Variants in PLEKHG7 observed in about 807,000 individuals in gnomAD.
PLEKHG7 encodes the protein pleckstrin homology and RhoGEF domain containing G7.
A neutral mutation model predicts 85.2 loss-of-function variants in PLEKHG7; 77 were observed. That is an observed-to-expected ratio of 0.90 (90% CI 0.75 to 1.09). The LOEUF is 1.09. Ranked by LOEUF, PLEKHG7 falls within the 50% of genes least tolerant of loss-of-function variation. The pLI, the probability that PLEKHG7 is intolerant of heterozygous loss-of-function variation, is 0.00. For missense variants in PLEKHG7, 777 were observed against 804.3 expected (o/e 0.97, Z 0.41); for synonymous variants, 301 against 302.4 (o/e 1.00, Z 0.05).
rs577860490 is a variant in PLEKHG7 at position 92,752,470 on chromosome 12, T to C, written c.1252-1620T>C. Among the ~76,000 whole-genome samples, 5 of 152,126 alleles carry C rather than the reference T, an allele frequency of 3.3e-5. No homozygotes were observed. In the East Asian group the frequency reaches 9.7e-4, roughly 30 times the overall value. ...GTTGGTAAATATCTAGGGGAGGAGTTTAGACCTCCACAGGCCATTGGATTG... is the reference window on the plus strand; with the variant it reads ...GTTGGTAAATATCTAGGGGAGGAGTCTAGACCTCCACAGGCCATTGGATTG... On this transcript the variant is annotated intron_variant, in intron 10 of 16. Coordinates refer to ENST00000344636, the MANE Select transcript of PLEKHG7 (RefSeq NM_001377329.1).
At position 92,745,545 on chromosome 12, in the gene PLEKHG7, A is replaced by G. The variant is rs750541518; in HGVS notation, c.1205A>G (p.Tyr402Cys). ...YCLNYSAAIF[Y>C]LESLRQRDDF... is the part of the protein sequence containing the mutation. ...CTGAACTATTCAGCTGCTATCTTTT[A>G]TCTTGAGAGCCTGAGGCAGAGAGAT... Residue 402 changes from tyrosine to cysteine, a missense_variant, in exon 10 of 17, where the codon TAT becomes TGT. This residue lies in a region of PLEKHG7 where 520 missense variants were observed against 544.0 expected (regional missense o/e 0.96). Coordinates refer to ENST00000344636, the MANE Select transcript of PLEKHG7 (RefSeq NM_001377329.1). 20 of 1,613,898 alleles carry G rather than the reference A, an allele frequency of 1.2e-5. No individual in the cohort carries two copies. The highest frequency in any genetic ancestry group is 2.7e-5 in the African/African-American group (2 of 74,920).
chr12:92,753,959 T>G, intron 10 of PLEKHG7, 131 bp from the exon 11 acceptor site: 1 of 831,740 alleles, frequency 1.2e-6, no homozygotes, highest in South Asian at 1.9e-5. Flanking sequence ...GCTTATAAAT[T>G]GTCCCAGCAA....
intron 3 of PLEKHG7, among the ~76,000 whole-genome samples, chr12:92,715,672 T>G (rs562725363): frequency 1.5e-5 from 2 of 137,658 alleles, no homozygotes; most frequent in Non-Finnish European, 3.0e-5. Context: ...TGAAGAGCTC[T>G]GCATGAGGCC....
chr12:92,755,721 A>T, intron 11 of PLEKHG7, 104 bp from the exon 12 acceptor site: 2 of 778,488 alleles, frequency 2.6e-6, no homozygotes, highest in Non-Finnish European at 4.5e-6. Flanking sequence ...GTCTGGCTCC[A>T]GGGGCAGCCA....
At chr12:92,766,774 G>A (rs1873212481) in intron 15 of PLEKHG7, among the ~76,000 whole-genome samples, 1 of 152,186 alleles carries the variant, frequency 6.6e-6, no homozygotes, top group Non-Finnish European at 1.5e-5. Flanking sequence ...AGGTTGCAGT[G>A]AGCCAAGGTC....
At chr12:92,753,599 G>A (rs1464398099) in intron 10 of PLEKHG7, among the ~76,000 whole-genome samples, 5 of 152,084 alleles carry the variant, frequency 3.3e-5, no homozygotes. Flanking sequence ...TAGATCAACT[G>A]AGCCTCTTCA....
intron 3 of PLEKHG7, among the ~76,000 whole-genome samples, chr12:92,726,756 AAAG>A (rs1266778227): frequency 8.5e-5 from 13 of 152,198 alleles, no homozygotes. Context: ...GGGCCAAGGG[AAAG>A]AAGAAGGTAG....
At chr12:92,754,501 G>C (rs139461688) in intron 11 of PLEKHG7, among the ~76,000 whole-genome samples, 2 of 152,288 alleles carry the variant, frequency 1.3e-5, no homozygotes, top group Non-Finnish European at 2.9e-5. Flanking sequence ...ATGTGGCTCT[G>C]TCTCCAAGTG....
Position 92,740,898 on chromosome 12 carries a change from C to T in PLEKHG7, c.985C>T (p.Leu329=). Residue 329 remains leucine, a synonymous_variant, in exon 8 of 17, where the codon CTA becomes TTA. Transcript: ENST00000344636. ...LRYLQTHEYL[L]DVDLWRLFAN... ...ATATCTGCAAACTCATGAATATCTC[C>T]TAGATGTGGATTTATGGAGACTTTT... is the stretch of plus-strand genomic sequence containing the variant. 3.7e-6 allele frequency: 6 copies of T among 1,612,040 alleles called. No homozygotes were observed. The highest frequency in any genetic ancestry group is 5.1e-6 in the Non-Finnish European group (6 of 1,178,776).
intron 3 of PLEKHG7, among the ~76,000 whole-genome samples, chr12:92,713,894 G>A (rs1485915001): frequency 2.0e-5 from 3 of 152,154 alleles, no homozygotes; most frequent in Admixed American, 6.5e-5. Context: ...ATTAAATGCA[G>A]AGTCCCTATT....
rs1159400312 is a variant in PLEKHG7 at position 92,706,953 on chromosome 12, T to C, written c.322T>C (p.Leu108=). ...LLSPLRLHSR[L]TSEPERALNA... is the part of the protein sequence containing the mutation. Reference sequence around the variant, plus strand: ...GTCACCCTTGAGACTCCACTCAAGATTGACCTCTGAACCTGAAAGGGCCCT... The same window carrying C: ...GTCACCCTTGAGACTCCACTCAAGACTGACCTCTGAACCTGAAAGGGCCCT... Residue 108 remains leucine, a synonymous_variant, in exon 2 of 17, where the codon TTG becomes CTG. Transcript: ENST00000344636. 2 of 1,614,026 alleles carry C rather than the reference T, an allele frequency of 1.2e-6. No homozygotes were observed. Among genetic ancestry groups the C allele is most frequent in the Non-Finnish European group, 1.7e-6 (2 of 1,180,022 alleles).
At chr12:92,769,202 G>C (rs1341982893) in intron 16 of PLEKHG7, 122 bp downstream of exon 16, 1 of 677,128 alleles carries the variant, frequency 1.5e-6, no homozygotes, top group Non-Finnish European at 2.4e-6. Flanking sequence ...GGGAAGGGCA[G>C]ATTTGGGAGG....
chr12:92,708,375 A>G (rs1871300601), intron 3 of PLEKHG7: 1 of 152,386 alleles, frequency 6.6e-6, no homozygotes, highest in Admixed American at 6.5e-5. Flanking sequence ...CAATAGTTTG[A>G]TATTCATAGC....
At chr12:92,744,403 G>A (rs893178650) in intron 9 of PLEKHG7, among the ~76,000 whole-genome samples, 1 of 152,074 alleles carries the variant, frequency 6.6e-6, no homozygotes, top group African/African-American at 2.4e-5. Context: ...CAAGAAAGAC[G>A]CTTAATTGAG....
chr12:92,711,572 T>C (rs1871367521), intron 3 of PLEKHG7, among the ~76,000 whole-genome samples: 1 of 152,166 alleles, frequency 6.6e-6, no homozygotes, highest in Admixed American at 6.5e-5. Context: ...TGACCCATAG[T>C]CAAATGTTCA....
At chr12:92,749,065 C>T (rs910083855) in intron 10 of PLEKHG7, among the ~76,000 whole-genome samples, 8 of 152,124 alleles carry the variant, frequency 5.3e-5, no homozygotes, top group African/African-American at 1.9e-4. Context: ...TGTCTGAACC[C>T]AATGTTGAAT....
intron 4 of PLEKHG7, among the ~76,000 whole-genome samples, chr12:92,731,135 AG>A (rs1871981666): frequency 6.6e-6 from 1 of 152,226 alleles, no homozygotes; most frequent in African/African-American, 2.4e-5. Flanking sequence ...AAGCTAGAAA[AG>A]CACAGGAGAG....
intron 13 of PLEKHG7, among the ~76,000 whole-genome samples, chr12:92,760,068 G>C (rs1330395391): frequency 2.0e-5 from 3 of 152,156 alleles, no homozygotes; most frequent in Non-Finnish European, 4.4e-5. Context: ...GTGAGAAGGA[G>C]AGACAGAGAC....
chr12:92,747,225 C>A (rs1872557086), intron 10 of PLEKHG7, among the ~76,000 whole-genome samples: 1 of 146,662 alleles, frequency 6.8e-6, no homozygotes, highest in African/African-American at 2.5e-5. Context: ...TGACATTTCC[C>A]AAAATGAAAC....
Sources: gnomAD v4.1 joint callset for allele counts (sites outside exome capture counted in the v4.1 genomes callset) on GRCh38, gnomAD v4.1.1 for gene constraint, gnomAD v4.1.1 regional missense constraint, MANE v1.5 for transcripts, NCBI Gene and HGNC (gene_info 2026-07-23, HGNC 2026-07-21) for gene names.